Variants in PAX3 observed in about 807,000 individuals in gnomAD.
The protein encoded by PAX3 is paired box 3, also known as paired box protein Pax-3.
PAX3 carries 14 observed loss-of-function variants against 51.6 expected under a neutral mutation model. The observed-to-expected ratio is 0.27, with a 90% CI of 0.18 to 0.42. The LOEUF (loss-of-function observed/expected upper bound fraction) is 0.42, where lower values mean the gene tolerates loss of function less well. PAX3 is among the 10% of genes least tolerant of loss of function. PAX3 has a pLI of 1.00. For synonymous variants in PAX3, 280 were observed against 253.4 expected, an observed-to-expected ratio of 1.11 and a Z score of -1.00; for missense variants, 540 against 642.8, an observed-to-expected ratio of 0.84 and a Z score of 1.73.
intron 3 of PAX3, 63 bp from the exon 4 acceptor site, chr2:222,294,364 G>T: frequency 6.3e-7 from 1 of 1,589,662 alleles, no homozygotes; most frequent in Non-Finnish European, 8.6e-7. Context: ...AGGGCTGTGC[G>T]GGAAGGACCC....
At chr2:222,232,565 G>T (rs1445082186) in intron 4 of PAX3, among the ~76,000 whole-genome samples, 1 of 151,886 alleles carries the variant, frequency 6.6e-6, no homozygotes, top group Non-Finnish European at 1.5e-5. Flanking sequence ...CTATCTTTCT[G>T]CCCCCTAGGC....
At chr2:222,203,382 C>G (rs569561237) in intron 7 of PAX3, among the ~76,000 whole-genome samples, 172 of 152,050 alleles carry the variant, frequency 1.1e-3, no homozygotes, top group African/African-American at 3.9e-3. Context: ...AGAGCCCCCC[C>G]GAAGACACAT....
chr2:222,224,545 A>G (rs1380635024), intron 5 of PAX3, among the ~76,000 whole-genome samples: 1 of 152,046 alleles, frequency 6.6e-6, no homozygotes, highest in African/African-American at 2.4e-5. Context: ...ATGTTTTGAA[A>G]CTCAAAACAG....
At chr2:222,214,499 G>T (rs1262211873) in intron 7 of PAX3, 1 of 152,032 alleles carries the variant, frequency 6.6e-6, no homozygotes, top group East Asian at 1.9e-4. Flanking sequence ...GTCGATCCTG[G>T]CATTTTATGC....
rs189712065 is a variant in PAX3, at chr2:222,285,961, G to A, written c.586+8206C>T. On this transcript the variant is annotated intron_variant, in intron 4 of 8. Coordinates refer to ENST00000392070, the MANE Select transcript of PAX3 (RefSeq NM_181458.4). Reference sequence around the variant, plus strand: ...ATCAGCTATTTTTTTTTCCTGAAACGGAGTCTCGCTCTGTCATCCAGGCTG... The same window carrying A: ...ATCAGCTATTTTTTTTTCCTGAAACAGAGTCTCGCTCTGTCATCCAGGCTG... Among the ~76,000 whole-genome samples, 123 of 151,984 alleles carry A rather than the reference G, an allele frequency of 8.1e-4. 1 individual carries two copies. Among genetic ancestry groups the A allele is most frequent in the Middle Eastern group, 3.4e-3 (1 of 294 alleles).
chr2:222,225,311 A>T (rs905999081), intron 5 of PAX3, among the ~76,000 whole-genome samples: 2 of 152,206 alleles, frequency 1.3e-5, no homozygotes, highest in African/African-American at 4.8e-5. Context: ...TGTCTTTGAA[A>T]AATGATCTTT....
At position 222,246,221 on chromosome 2, in the gene PAX3, T is replaced by A. The variant is rs577723237; in HGVS notation, c.587-13938A>T. On this transcript the variant is annotated intron_variant, in intron 4 of 8. Transcript: ENST00000392070. ...ACTTTAAATAAATTAAAGCTTTTCCTGGGTAAAAACCAAAAGTAGCCCCAC... is the reference window on the plus strand; with the variant it reads ...ACTTTAAATAAATTAAAGCTTTTCCAGGGTAAAAACCAAAAGTAGCCCCAC... Among the ~76,000 whole-genome samples the A allele has an allele frequency of 2.0e-5, 3 of 152,248 alleles. No homozygotes were observed. In the East Asian group the frequency reaches 5.8e-4, roughly 29 times the overall value.
At chr2:222,241,910 T>C (rs1693029870) in intron 4 of PAX3, among the ~76,000 whole-genome samples, 1 of 152,244 alleles carries the variant, frequency 6.6e-6, no homozygotes. Context: ...GTAGTAATGA[T>C]ATACCCTTCT....
At chr2:222,209,921 A>G (rs962433665) in intron 7 of PAX3, among the ~76,000 whole-genome samples, 2 of 151,930 alleles carry the variant, frequency 1.3e-5, no homozygotes, top group Non-Finnish European at 2.9e-5. Context: ...AAATTAATGG[A>G]ATTTCTACCA....
intron 2 of PAX3, 28 bp downstream of exon 2, chr2:222,296,949 AG>A: frequency 6.4e-7 from 1 of 1,572,266 alleles, no homozygotes; most frequent in Non-Finnish European, 8.7e-7. Flanking sequence ...ACAGTCTGGG[AG>A]CCAGGAGGGC....
chr2:222,224,497 C>T (rs1238548529), intron 5 of PAX3, among the ~76,000 whole-genome samples: 2 of 152,168 alleles, frequency 1.3e-5, no homozygotes, highest in Non-Finnish European at 2.9e-5. Context: ...GAAAAACACA[C>T]TAACTTTGCA....
At chr2:222,256,317 G>A (rs45568540) in intron 4 of PAX3, among the ~76,000 whole-genome samples, 4,784 of 152,078 alleles carry the variant, frequency 0.031, 235 homozygotes, top group African/African-American at 0.11. Flanking sequence ...CAGCCAGCCC[G>A]GCAGACAGTG....
At chr2:222,255,591 C>A (rs1201713244) in intron 4 of PAX3, among the ~76,000 whole-genome samples, 1 of 152,154 alleles carries the variant, frequency 6.6e-6, no homozygotes, top group African/African-American at 2.4e-5. Flanking sequence ...TGGCATTTTA[C>A]ATATAGGAAC....
chr2:222,203,816 G>T (rs1193374737), intron 7 of PAX3, among the ~76,000 whole-genome samples: 1 of 152,116 alleles, frequency 6.6e-6, no homozygotes, highest in Non-Finnish European at 1.5e-5. Flanking sequence ...AAAAGACAGA[G>T]AAAAAGAGAT....
At chr2:222,226,106 C>A (rs114488385) in intron 5 of PAX3, among the ~76,000 whole-genome samples, 1 of 152,124 alleles carries the variant, frequency 6.6e-6, no homozygotes, top group Non-Finnish European at 1.5e-5. Flanking sequence ...TTATTCAAGA[C>A]GGATTACTTC....
At chr2:222,293,170 C>T (rs1395659080) in intron 4 of PAX3, among the ~76,000 whole-genome samples, 1 of 152,178 alleles carries the variant, frequency 6.6e-6, no homozygotes, top group Non-Finnish European at 1.5e-5. Context: ...CTCCAAGTCC[C>T]AGGTGAGGAA....
At chr2:222,272,159 A>G (rs1023591003) in intron 4 of PAX3, among the ~76,000 whole-genome samples, 10 of 152,254 alleles carry the variant, frequency 6.6e-5, no homozygotes, top group African/African-American at 1.9e-4. Flanking sequence ...GTTAGGAATC[A>G]GAGGCACACT....
At chr2:222,253,949 C>T (rs1453975066) in intron 4 of PAX3, among the ~76,000 whole-genome samples, 1 of 152,190 alleles carries the variant, frequency 6.6e-6, no homozygotes. Context: ...AGCCACCACA[C>T]CTGGCCTTTT....
intron 4 of PAX3, among the ~76,000 whole-genome samples, chr2:222,250,974 T>G (rs1042132141): frequency 1.3e-5 from 2 of 152,308 alleles, no homozygotes; most frequent in Admixed American, 6.5e-5. Flanking sequence ...AAATGCACAT[T>G]TGCATTTAAA....
Sources: allele counts gnomAD v4.1 joint callset (sites outside exome capture counted in the v4.1 genomes callset), GRCh38; gene constraint gnomAD v4.1.1; transcripts MANE v1.5; gene names NCBI Gene and HGNC (gene_info 2026-07-23, HGNC 2026-07-21).